GFRA2: variants seen among roughly 807,000 people sequenced by gnomAD.
GFRA2 encodes the protein GDNF family receptor alpha-2.
A neutral mutation model predicts 48.3 loss-of-function variants in GFRA2; 17 were observed. The observed-to-expected ratio is 0.35, with a 90% CI of 0.24 to 0.53. The LOEUF (loss-of-function observed/expected upper bound fraction) is 0.53. Among genes scored for constraint, GFRA2 ranks in the 20% least tolerant of loss-of-function variants. The probability of loss-of-function intolerance (pLI) is 0.93; values close to 1 mark genes in which losing one functional copy is unlikely to be tolerated. For missense variants in GFRA2, 660 were observed against 637.3 expected (o/e 1.04, Z -0.38); for synonymous variants, 305 against 257.2 (o/e 1.19, Z -1.78).
At chr8:21,732,987 C>A (rs570781414) in intron 4 of GFRA2, among the ~76,000 whole-genome samples, 1 of 152,294 alleles carries the variant, frequency 6.6e-6, no homozygotes, top group Admixed American at 6.5e-5. Context: ...GAAACCTAGG[C>A]AGGAGGTCTT....
At chr8:21,763,386 C>A (rs1806001844) in intron 3 of GFRA2, among the ~76,000 whole-genome samples, 1 of 152,136 alleles carries the variant, frequency 6.6e-6, no homozygotes, top group Non-Finnish European at 1.5e-5. Context: ...TGCCCCTACT[C>A]CCCTGGAGGC....
At chr8:21,696,949 G>C (rs1193418011) in intron 7 of GFRA2, among the ~76,000 whole-genome samples, 3 of 135,638 alleles carry the variant, frequency 2.2e-5, no homozygotes, top group African/African-American at 8.4e-5. Context: ...GGAAGGGGGA[G>C]GGGACAGAGG....
At chr8:21,779,135 G>A (rs1017611251) in intron 2 of GFRA2, among the ~76,000 whole-genome samples, 16 of 152,136 alleles carry the variant, frequency 1.1e-4, no homozygotes, top group South Asian at 4.1e-4. Context: ...AGGAGGTAGA[G>A]GCTGCAGTGA....
chr8:21,748,220 T>C (rs1051153445), intron 4 of GFRA2, among the ~76,000 whole-genome samples: 2 of 152,138 alleles, frequency 1.3e-5, no homozygotes, highest in African/African-American at 4.8e-5. Context: ...GTGCCCCCTA[T>C]GTGTTGCCAT....
chr8:21,789,091 A>C, upstream of GFRA2: 1 of 150,026 alleles, frequency 6.7e-6, no homozygotes, highest in Non-Finnish European at 1.4e-5. Context: ...GGCGGCGGCG[A>C]CAAGGCGAAG....
chr8:21,706,529 C>G, intron 4 of GFRA2: 1 of 432,316 alleles, frequency 2.3e-6, no homozygotes, highest in Admixed American at 2.5e-5. Context: ...ATCTGAGGGT[C>G]AAGGAAGCCA....
chr8:21,779,020 G>A (rs941944307), intron 2 of GFRA2, among the ~76,000 whole-genome samples: 27 of 150,914 alleles, frequency 1.8e-4, no homozygotes, highest in Non-Finnish European at 3.5e-4. Flanking sequence ...GAGCAACATA[G>A]TAAGACCTCA....
chr8:21,748,002 CCG>C (rs1051631597), intron 4 of GFRA2, among the ~76,000 whole-genome samples: 1 of 152,142 alleles, frequency 6.6e-6, no homozygotes, highest in Non-Finnish European at 1.5e-5. Flanking sequence ...TCTGCCTCCA[CCG>C]TTCGCTCCAA....
Position 21,716,308 on chromosome 8 carries a change from GA to G in GFRA2, c.795-10268del, listed in dbSNP as rs5889998. On this transcript the variant is annotated intron_variant, in intron 4 of 8. Coordinates refer to ENST00000524240, the MANE Select transcript of GFRA2 (RefSeq NM_001495.5). Reference sequence around the variant, plus strand: ...ACTGCGCTCCAGCCTGGGAAACAAAGAAAAAAAAAAAAAGACAGAAACATTC... The same window carrying G: ...ACTGCGCTCCAGCCTGGGAAACAAAGAAAAAAAAAAAAGACAGAAACATTC... Among the ~76,000 whole-genome samples the G allele has an allele frequency of 9.9e-4, 142 of 144,140 alleles. 1 individual carries two copies. Among genetic ancestry groups the G allele is most frequent in the Admixed American group, 6.4e-3 (93 of 14,506 alleles). 94.6% of individuals were successfully genotyped at this position (144,140 alleles called of 152,430 possible).
chr8:21,801,331 T>G (rs373132699), intron 2 of GFRA2, among the ~76,000 whole-genome samples: 2,728 of 152,214 alleles, frequency 0.018, 70 homozygotes, highest in African/African-American at 0.059. Context: ...AGGGCTAATG[T>G]TGTGCTTGCT....
At chr8:21,769,941 A>G (rs74996204) in intron 3 of GFRA2, among the ~76,000 whole-genome samples, 11,872 of 152,184 alleles carry the variant, frequency 0.078, 620 homozygotes, top group East Asian at 0.2. Flanking sequence ...CCAGGCTCCA[A>G]CCAAGCAAGA....
intron 4 of GFRA2, among the ~76,000 whole-genome samples, chr8:21,742,899 G>A (rs529186873): frequency 1.3e-5 from 2 of 152,194 alleles, no homozygotes; most frequent in African/African-American, 2.4e-5. Context: ...AGAGAAGCCT[G>A]TAAAGTTAAG....
At chr8:21,782,177 C>G (rs772591079) in intron 2 of GFRA2, among the ~76,000 whole-genome samples, 1 of 152,092 alleles carries the variant, frequency 6.6e-6, no homozygotes, top group Non-Finnish European at 1.5e-5. Flanking sequence ...CTGGTTCTCA[C>G]TTCTCCATCT....
At chr8:21,805,260 A>T (rs1255346448) in intron 1 of GFRA2, 1 of 152,124 alleles carries the variant, frequency 6.6e-6, no homozygotes, top group Non-Finnish European at 1.5e-5. Flanking sequence ...GTGAAATTCT[A>T]CAGCTCTTGG....
Position 21,705,082 on chromosome 8 carries a change from G to A in GFRA2, c.948C>T (p.Gly316=), listed in dbSNP as rs1412147145. The change falls in exon 6 of 9, where the codon GGC becomes GGT. Residue 316 remains glycine (G), a synonymous_variant. Coordinates refer to ENST00000524240, the MANE Select transcript of GFRA2 (RefSeq NM_001495.5). ...TPNYVDSSPT[G]IVVSPWCSCR... ...AGCTGCACCAGGGGGACACCACGATGCCAGTGGGGCTGGAGTCCACATAGT... is the reference window on the plus strand; with the variant it reads ...AGCTGCACCAGGGGGACACCACGATACCAGTGGGGCTGGAGTCCACATAGT... 6.2e-7 allele frequency: 1 copy of A among 1,610,986 alleles called. No homozygotes were observed. Among genetic ancestry groups the A allele is most frequent in the Non-Finnish European group, 8.5e-7 (1 of 1,179,146 alleles).
intron 2 of GFRA2, among the ~76,000 whole-genome samples, chr8:21,780,072 A>T (rs1190534304): frequency 1.3e-5 from 2 of 148,542 alleles, no homozygotes; most frequent in African/African-American, 5.0e-5. Context: ...TTTTTTTTTA[A>T]GCATCCTTTG....
chr8:21,698,934 C>T (rs1283584959), intron 7 of GFRA2, among the ~76,000 whole-genome samples: 1 of 152,228 alleles, frequency 6.6e-6, no homozygotes, highest in East Asian at 1.9e-4. Context: ...GGCCTAGCAG[C>T]AGGCACTGTT....
chr8:21,778,619 C>A (rs112546269), intron 2 of GFRA2, among the ~76,000 whole-genome samples: 3 of 152,148 alleles, frequency 2.0e-5, no homozygotes, highest in Non-Finnish European at 2.9e-5. Flanking sequence ...CAGGACGCAG[C>A]GGCTTATGCC....
At chr8:21,753,504 G>A (rs1805397253) in intron 3 of GFRA2, among the ~76,000 whole-genome samples, 1 of 152,026 alleles carries the variant, frequency 6.6e-6, no homozygotes, top group Non-Finnish European at 1.5e-5. Flanking sequence ...CAGCTACACG[G>A]GAGACTGAGG....
Sources: gnomAD v4.1 joint callset for allele counts (sites outside exome capture counted in the v4.1 genomes callset) on GRCh38, gnomAD v4.1.1 for gene constraint, MANE v1.5 for transcripts, NCBI Gene and HGNC (gene_info 2026-07-23, HGNC 2026-07-21) for gene names.